The following STK3 variants were observed in gnomAD, a reference collection of about 807,000 sequenced individuals.
STK3 encodes serine/threonine-protein kinase 3.
Under a neutral mutation model 58.0 loss-of-function variants are expected in STK3, and 41 were observed. The observed-to-expected ratio is 0.71, with a 90% CI of 0.55 to 0.92. The LOEUF is 0.92. STK3 is among the 40% of genes least tolerant of loss of function. The pLI, the probability that STK3 is intolerant of heterozygous loss-of-function variation, is 0.00. For missense variants in STK3, 479 were observed against 602.7 expected (o/e 0.79, Z 2.15); for synonymous variants, 170 against 191.0 (o/e 0.89, Z 0.91).
At chr8:98,780,391 T>C (rs908305622) in intron 1 of STK3, among the ~76,000 whole-genome samples, 7 of 152,230 alleles carry the variant, frequency 4.6e-5, no homozygotes, top group African/African-American at 7.2e-5. Context: ...ATGAGTGAAG[T>C]TGACCATCTT....
At chr8:98,788,298 C>T (rs1163309276) in intron 1 of STK3, among the ~76,000 whole-genome samples, 24 of 151,704 alleles carry the variant, frequency 1.6e-4, no homozygotes, top group African/African-American at 5.1e-4. Context: ...ATTAGCCGGG[C>T]GTGGTGGTGC....
chr8:98,360,090 C>T, the STK3 span, among the ~76,000 whole-genome samples: 1 of 152,164 alleles, frequency 6.6e-6, no homozygotes, highest in African/African-American at 2.4e-5. Context: ...CTCTTCTGTC[C>T]CCTCTTTGCT....
At chr8:98,753,816 T>G (rs1005653205) in intron 3 of STK3, among the ~76,000 whole-genome samples, 1 of 152,062 alleles carries the variant, frequency 6.6e-6, no homozygotes, top group Non-Finnish European at 1.5e-5. Flanking sequence ...TTCAAACCTG[T>G]TTTATCCCCA....
intron 9 of STK3, among the ~76,000 whole-genome samples, chr8:98,543,498 A>AG (rs1694788928): frequency 6.6e-6 from 1 of 152,260 alleles, no homozygotes; most frequent in Non-Finnish European, 1.5e-5. Context: ...AGGGATATTT[A>AG]GGGGGCAGAA....
intron 4 of STK3, chr8:98,721,261 T>C: frequency 3.1e-6 from 1 of 324,492 alleles, no homozygotes; most frequent in Non-Finnish European, 4.4e-6. Context: ...AGATAGTTTC[T>C]AATCAAAAAA....
intron 10 of STK3, among the ~76,000 whole-genome samples, chr8:98,521,574 C>T (rs947519992): frequency 3.3e-5 from 5 of 152,128 alleles, no homozygotes; most frequent in African/African-American, 1.2e-4. Flanking sequence ...CATCCTCCAA[C>T]TTAAAACCTT....
intron 6 of STK3, among the ~76,000 whole-genome samples, chr8:98,689,536 T>C (rs951575634): frequency 5.3e-5 from 8 of 152,070 alleles, no homozygotes; most frequent in Admixed American, 5.2e-4. Flanking sequence ...ATCCCAGCAC[T>C]TGGGGAGGCT....
Position 98,423,534 on chromosome 8 carries a change from G to A in STK3, n.483+10593C>T, listed in dbSNP as rs113518299. 7.3e-3 allele frequency among the ~76,000 whole-genome samples: 1,111 copies of A among 152,350 alleles called. 17 individuals carry two copies. The highest frequency in any genetic ancestry group is 0.026 in the African/African-American group (1,063 of 41,582). On this transcript the variant is annotated intron_variant and non_coding_transcript_variant, in intron 3 of 3. Transcript: ENST00000517832. Reference sequence around the variant, plus strand: ...TTCTCAGTGCAATGGGAAGTCCCTGGAAGGCTTTCAGGAGGGAATGACATG... The same window carrying A: ...TTCTCAGTGCAATGGGAAGTCCCTGAAAGGCTTTCAGGAGGGAATGACATG...
intron 3 of STK3, among the ~76,000 whole-genome samples, chr8:98,757,057 T>TC (rs1482339384): frequency 1.5e-5 from 2 of 135,400 alleles, no homozygotes; most frequent in Non-Finnish European, 3.3e-5. Flanking sequence ...CTCTGGTACT[T>TC]CCCCGTGGAG....
intron 1 of STK3, among the ~76,000 whole-genome samples, chr8:98,822,062 AC>A (rs1303742218): frequency 3.5e-5 from 5 of 142,390 alleles, no homozygotes; most frequent in Non-Finnish European, 8.1e-5. Flanking sequence ...ATACACACAC[AC>A]ACATACACAC....
At chr8:98,685,110 C>T (rs906864232) in intron 6 of STK3, among the ~76,000 whole-genome samples, 2 of 152,092 alleles carry the variant, frequency 1.3e-5, no homozygotes, top group Non-Finnish European at 2.9e-5. Context: ...CCTTTAAATT[C>T]TCCCACACAA....
intron 7 of STK3, among the ~76,000 whole-genome samples, chr8:98,585,655 G>A (rs1254381273): frequency 6.6e-6 from 1 of 150,978 alleles, no homozygotes; most frequent in East Asian, 1.9e-4. Context: ...AGCTTGATGG[G>A]GATGGCATTG....
intron 1 of STK3, among the ~76,000 whole-genome samples, chr8:98,887,699 A>T (rs1335133535): frequency 6.6e-6 from 1 of 152,142 alleles, no homozygotes; most frequent in Non-Finnish European, 1.5e-5. Flanking sequence ...TGGAAAATAG[A>T]TGTACATGAG....
At chr8:98,801,013 C>G (rs1833511815) in intron 1 of STK3, among the ~76,000 whole-genome samples, 1 of 152,250 alleles carries the variant, frequency 6.6e-6, no homozygotes, top group Non-Finnish European at 1.5e-5. Context: ...ACCCGTGGCC[C>G]TGGCATGGGA....
At chr8:98,416,255 C>G (rs1331127369) in intron 3 of STK3, among the ~76,000 whole-genome samples, 1 of 152,036 alleles carries the variant, frequency 6.6e-6, no homozygotes, top group Non-Finnish European at 1.5e-5. Flanking sequence ...GATCAAGATG[C>G]ACTAGAAGAC....
At chr8:98,444,515 G>T (rs1256926869) in intron 1 of STK3, among the ~76,000 whole-genome samples, 1 of 152,212 alleles carries the variant, frequency 6.6e-6, no homozygotes, top group African/African-American at 2.4e-5. Flanking sequence ...AGGCCTGAAG[G>T]GTAGTGGAGG....
intron 6 of STK3, among the ~76,000 whole-genome samples, chr8:98,636,859 A>ATG (rs1819660866): frequency 6.6e-6 from 1 of 152,096 alleles, no homozygotes; most frequent in Non-Finnish European, 1.5e-5. Flanking sequence ...CTGACACAGA[A>ATG]TGTAATAAAT....
At chr8:98,609,994 A>G (rs1817068014) in intron 6 of STK3, among the ~76,000 whole-genome samples, 1 of 152,024 alleles carries the variant, frequency 6.6e-6, no homozygotes, top group Non-Finnish European at 1.5e-5. Flanking sequence ...AATAATTGAC[A>G]TATATCAGAT....
intron 3 of STK3, among the ~76,000 whole-genome samples, chr8:98,873,357 G>A (rs986008091): frequency 2.0e-5 from 3 of 152,272 alleles, no homozygotes; most frequent in Admixed American, 6.5e-5. Context: ...TATTAGGTCC[G>A]CTTGGTTCAG....
Sources: gnomAD v4.1 joint callset for allele counts (sites outside exome capture counted in the v4.1 genomes callset) on GRCh38, gnomAD v4.1.1 for gene constraint, MANE v1.5 for transcripts, NCBI Gene and HGNC (gene_info 2026-07-23, HGNC 2026-07-21) for gene names.